LNPEP: variants seen among roughly 807,000 people sequenced by gnomAD.
The protein encoded by LNPEP is leucyl-cystinyl aminopeptidase.
Under a neutral mutation model 120.6 loss-of-function variants are expected in LNPEP, and 64 were observed. The observed-to-expected ratio is 0.53, with a 90% CI of 0.43 to 0.65. The LOEUF is 0.65. LNPEP is among the 30% of genes least tolerant of loss of function. The pLI is 0.00. For missense variants in LNPEP, 1,057 were observed against 1,200.0 expected (o/e 0.88, Z 1.76); for synonymous variants, 435 against 425.4 (o/e 1.02, Z -0.28).
chr5:97,026,016 G>A (rs964462429), intron 15 of LNPEP, among the ~76,000 whole-genome samples: 1 of 152,210 alleles, frequency 6.6e-6, no homozygotes, highest in Middle Eastern at 3.4e-3. Flanking sequence ...TTGTTCAGAT[G>A]TCGGGCTTTG....
intron 8 of LNPEP, 45 bp from the exon 9 acceptor site, chr5:97,003,370 T>C (rs1468031651): frequency 9.8e-6 from 11 of 1,125,212 alleles, no homozygotes; most frequent in South Asian, 1.5e-5. Context: ...TAATCTATAG[T>C]ATTCTATTAT....
intron 11 of LNPEP, chr5:97,010,332 T>G: frequency 5.1e-5 from 50 of 982,242 alleles, no homozygotes; most frequent in Non-Finnish European, 6.0e-5. Context: ...CTGTGAAAGT[T>G]AAAGATATGT....
intron 1 of LNPEP, among the ~76,000 whole-genome samples, chr5:96,954,740 A>T (rs1159393896): frequency 1.1e-5 from 1 of 87,006 alleles, no homozygotes; most frequent in African/African-American, 4.6e-5. Flanking sequence ...ATATACATAT[A>T]TATATACACA....
In LNPEP at chr5:96,979,171, A is replaced by G. The variant is rs1439517355; in HGVS notation, c.53A>G (p.Asn18Ser). 5.0e-6 allele frequency: 8 copies of G among 1,612,296 alleles called. No individual in the cohort carries two copies. Among genetic ancestry groups the G allele is most frequent in the Admixed American group, 1.7e-5 (1 of 59,822 alleles). The part of the protein sequence containing the change: ...RLQLPRNMIE[N>S]SMFEEEPDVV... ...CAGCTCCCCAGGAATATGATTGAAA[A>G]CAGCATGTTTGAGGAAGAACCAGAT... The change falls in exon 2 of 18, where the codon AAC becomes AGC. Residue 18 changes from asparagine (N) to serine (S), a missense_variant. Asn to Ser is a conservative substitution (Grantham distance 46). Transcript: ENST00000231368.
chr5:97,015,350 G>A (rs1366237107), intron 13 of LNPEP, among the ~76,000 whole-genome samples: 1 of 152,090 alleles, frequency 6.6e-6, no homozygotes. Context: ...GGTCACATGA[G>A]AATAATATTT....
intron 4 of LNPEP, among the ~76,000 whole-genome samples, chr5:96,987,246 C>A (rs77942033): frequency 0.031 from 4,700 of 152,050 alleles, 135 homozygotes; most frequent in South Asian, 0.088. Context: ...ATCATTTGTA[C>A]CTGTTTGTAA....
At chr5:97,018,384 TC>T (rs1791114880) in intron 13 of LNPEP, among the ~76,000 whole-genome samples, 1 of 152,000 alleles carries the variant, frequency 6.6e-6, no homozygotes, top group Non-Finnish European at 1.5e-5. Context: ...TGCATCTTCA[TC>T]CCAGATGATT....
chr5:96,986,452 C>T, intron 3 of LNPEP, 87 bp from the exon 4 acceptor site: 3 of 1,291,318 alleles, frequency 2.3e-6, no homozygotes, highest in Non-Finnish European at 3.3e-6. Context: ...CCATTTATTT[C>T]CTATTTGAAT....
intron 14 of LNPEP, 104 bp from the exon 15 acceptor site, chr5:97,024,417 A>G (rs1791289210): frequency 9.5e-7 from 1 of 1,051,094 alleles, no homozygotes; most frequent in African/African-American, 1.6e-5. Flanking sequence ...CAAACTTGTT[A>G]TTATTACCAA....
chr5:96,945,284 C>A (rs1388895997), intron 1 of LNPEP, among the ~76,000 whole-genome samples: 1 of 151,554 alleles, frequency 6.6e-6, no homozygotes, highest in Non-Finnish European at 1.5e-5. Context: ...ATGGTATGCA[C>A]CTGTGGTCCC....
chr5:96,937,101 T>A (rs1788919481), intron 1 of LNPEP: 1 of 152,234 alleles, frequency 6.6e-6, no homozygotes, highest in Non-Finnish European at 1.5e-5. Context: ...GGGAGACGAC[T>A]CACTAAAAGA....
chr5:97,022,204 C>T (rs896416170), intron 13 of LNPEP, 96 bp from the exon 14 acceptor site: 18 of 756,650 alleles, frequency 2.4e-5, no homozygotes, highest in East Asian at 8.0e-5. Context: ...GCTGGGATTA[C>T]AGGCACGAGA....
chr5:97,005,654 G>A (rs10052019), intron 9 of LNPEP, among the ~76,000 whole-genome samples: 314 of 152,316 alleles, frequency 2.1e-3, no homozygotes, highest in African/African-American at 7.2e-3. Flanking sequence ...TCACAGGATT[G>A]AGTAGCAGTG....
intron 1 of LNPEP, among the ~76,000 whole-genome samples, chr5:96,940,833 C>T (rs1789032662): frequency 6.6e-6 from 1 of 152,146 alleles, no homozygotes; most frequent in Non-Finnish European, 1.5e-5. Context: ...TTAGTCACCT[C>T]ATGACTTGAA....
chr5:96,967,163 C>T (rs1789746617), intron 1 of LNPEP, among the ~76,000 whole-genome samples: 1 of 152,026 alleles, frequency 6.6e-6, no homozygotes, highest in Admixed American at 6.6e-5. Context: ...CAAATGGCTG[C>T]CTTGATATAA....
At position 96,996,444 on chromosome 5, in the gene LNPEP, G is replaced by C. The variant is rs759056994; in HGVS notation, c.1462G>C (p.Gly488Arg). Residue 488 changes from glycine (G) to arginine (R), a missense_variant, in exon 7 of 18, where the codon GGT (glycine) becomes CGT (arginine). Transcript: ENST00000231368. Reference sequence around the variant, plus strand: ...GTGGAATGACCTATGGCTAAATGAAGGTTTTGCCACTTTCATGGAGTATTT... The same window carrying C: ...GTGGAATGACCTATGGCTAAATGAACGTTTTGCCACTTTCATGGAGTATTT... Reference protein sequence around the residue: ...KWWNDLWLNEGFATFMEYFSL... With the variant: ...KWWNDLWLNERFATFMEYFSL... 6.2e-7 allele frequency: 1 copy of C among 1,612,040 alleles called. No homozygotes were observed. The highest frequency in any genetic ancestry group is 2.2e-5 in the East Asian group (1 of 44,764).
chr5:96,959,933 CTT>C (rs11316262), intron 1 of LNPEP, among the ~76,000 whole-genome samples: 2,010 of 113,026 alleles, frequency 0.018, 14 homozygotes, highest in African/African-American at 0.065. Context: ...TAAAATTTAT[CTT>C]TTTTTTTTTT....
intron 8 of LNPEP, among the ~76,000 whole-genome samples, chr5:96,999,835 G>T (rs528767378): frequency 7.3e-5 from 11 of 151,534 alleles, no homozygotes; most frequent in Non-Finnish European, 1.3e-4. Context: ...AGAGAAGTGG[G>T]ATACTAGATA....
chr5:96,963,911 T>C (rs1387259180), intron 1 of LNPEP, among the ~76,000 whole-genome samples: 1 of 152,162 alleles, frequency 6.6e-6, no homozygotes, highest in Non-Finnish European at 1.5e-5. Flanking sequence ...CAAAAGTTTC[T>C]ATTCTAGCCA....
Sources: allele counts gnomAD v4.1 joint callset (sites outside exome capture counted in the v4.1 genomes callset), GRCh38; gene constraint gnomAD v4.1.1; transcripts MANE v1.5; gene names NCBI Gene and HGNC (gene_info 2026-07-23, HGNC 2026-07-21).